Variants in KIRREL3 observed in about 807,000 individuals in gnomAD.
KIRREL3 encodes the protein kirre like nephrin family adhesion molecule 3.
A neutral mutation model predicts 89.7 loss-of-function variants in KIRREL3; 36 were observed. The observed-to-expected ratio is 0.40, with a 90% CI of 0.31 to 0.53. The LOEUF is 0.53. Among genes scored for constraint, KIRREL3 ranks in the 20% least tolerant of loss-of-function variants. The pLI is 0.49. For missense variants in KIRREL3, 864 were observed against 1,056.6 expected (o/e 0.82, Z 2.53); for synonymous variants, 445 against 441.4 (o/e 1.01, Z -0.10).
Position 126,705,760 on chromosome 11 carries a change from C to T in KIRREL3, c.56-142848G>A, listed in dbSNP as rs943030965. On this transcript the variant is annotated intron_variant, in intron 1 of 16. Coordinates refer to ENST00000525144, the MANE Select transcript of KIRREL3 (RefSeq NM_032531.4). The surrounding 1 kb of genome is among the most constrained non-coding windows in gnomAD (Gnocchi z 4.3). The stretch of plus-strand genomic sequence containing the variant: ...AGATGGCTACAAACACTTAGCCACT[C>T]CTCCCAGAAAGAGGTGGAGGCTACC... 1.3e-5 allele frequency among the ~76,000 whole-genome samples: 2 copies of T among 152,188 alleles called. No individual in the cohort carries two copies. Among genetic ancestry groups the T allele is most frequent in the Non-Finnish European group, 2.9e-5 (2 of 68,030 alleles).
intron 1 of KIRREL3, among the ~76,000 whole-genome samples, chr11:126,963,163 A>T (rs1263220824): frequency 2.0e-5 from 3 of 152,180 alleles, no homozygotes; most frequent in African/African-American, 4.8e-5. Flanking sequence ...ATAACCTTTT[A>T]TAGCCTAAAT....
At chr11:126,448,272 A>G (rs1955897632) in intron 8 of KIRREL3, among the ~76,000 whole-genome samples, 1 of 124,168 alleles carries the variant, frequency 8.1e-6, no homozygotes, top group Non-Finnish European at 1.6e-5. Flanking sequence ...GCAGAGTGAG[A>G]CTGTCTCAAA....
intron 1 of KIRREL3, among the ~76,000 whole-genome samples, chr11:126,706,105 C>T (rs1404976951): frequency 6.6e-6 from 1 of 152,172 alleles, no homozygotes; most frequent in Non-Finnish European, 1.5e-5. Context: ...GACTGCAGCC[C>T]CCGATGTCAC....
chr11:126,592,873 G>T (rs1942211409), intron 1 of KIRREL3, among the ~76,000 whole-genome samples: 1 of 152,168 alleles, frequency 6.6e-6, no homozygotes, highest in Non-Finnish European at 1.5e-5. Flanking sequence ...AAGGCCTGTT[G>T]TTGAGAGAAC....
intron 1 of KIRREL3, among the ~76,000 whole-genome samples, chr11:126,878,904 T>C (rs1409595072): frequency 2.0e-5 from 3 of 151,978 alleles, no homozygotes; most frequent in Non-Finnish European, 4.4e-5. Context: ...CAAAGAGAAA[T>C]GGTGTGGCCA....
At chr11:126,650,616 C>T (rs1944871187) in intron 1 of KIRREL3, among the ~76,000 whole-genome samples, 1 of 152,228 alleles carries the variant, frequency 6.6e-6, no homozygotes, top group Non-Finnish European at 1.5e-5. Flanking sequence ...TCTGAGACAA[C>T]CTCAGCCTGG....
chr11:126,687,452 T>G lies in KIRREL3; in HGVS notation c.56-124540A>C, dbSNP rs1207040758. 6.6e-6 allele frequency among the ~76,000 whole-genome samples: 1 copy of G among 152,190 alleles called. No homozygotes were observed. The highest frequency in any genetic ancestry group is 1.5e-5 in the Non-Finnish European group (1 of 68,036). ...AATCTCACCCAGCTGGAAGCTCTCC[T>G]GTAAAGAATTCACAAAAATCCACAC... On this transcript the variant is annotated intron_variant, in intron 1 of 16. Coordinates refer to ENST00000525144, the MANE Select transcript of KIRREL3 (RefSeq NM_032531.4). The surrounding 1 kb of genome is among the most constrained non-coding windows in gnomAD (Gnocchi z 4.6).
At chr11:126,617,520 A>G (rs1453740821) in intron 1 of KIRREL3, among the ~76,000 whole-genome samples, 1 of 152,264 alleles carries the variant, frequency 6.6e-6, no homozygotes, top group Non-Finnish European at 1.5e-5. Context: ...AGGAAAAGAA[A>G]TATATGCCCT....
chr11:126,887,176 T>C (rs896558509), intron 1 of KIRREL3, among the ~76,000 whole-genome samples: 5 of 152,156 alleles, frequency 3.3e-5, no homozygotes, highest in African/African-American at 1.2e-4. Context: ...AAATGATTGC[T>C]TCTGAATAAT....
rs984106942 is a variant in KIRREL3 at position 126,736,491 on chromosome 11, A to G, written c.56-173579T>C. 2.0e-5 allele frequency among the ~76,000 whole-genome samples: 3 copies of G among 152,186 alleles called. No homozygotes were observed. The highest frequency in any genetic ancestry group is 7.2e-5 in the African/African-American group (3 of 41,440). On this transcript the variant is annotated intron_variant, in intron 1 of 16. Coordinates refer to ENST00000525144, the MANE Select transcript of KIRREL3 (RefSeq NM_032531.4). The surrounding 1 kb of genome is among the most constrained non-coding windows in gnomAD (Gnocchi z 5.0). ...ACTGGAGAGCTGGAAGGACCCTCAG[A>G]GATCATCTGGGCCGGTGGTTCTCAC...
At position 126,519,250 on chromosome 11, in the gene KIRREL3, T is replaced by G. The variant is rs1322917735; in HGVS notation, c.433+2065A>C. ...CTGTTCAGGTTGGATCCTGAGGCCC[T>G]GCTCTGAGAAGCCTGGCCCCTCACC... On this transcript the variant is annotated intron_variant, in intron 4 of 16. Coordinates refer to ENST00000525144, the MANE Select transcript of KIRREL3 (RefSeq NM_032531.4). The surrounding 1 kb of genome is among the most constrained non-coding windows in gnomAD (Gnocchi z 4.3). 6.6e-6 allele frequency among the ~76,000 whole-genome samples: 1 copy of G among 152,224 alleles called. No individual in the cohort carries two copies. The highest frequency in any genetic ancestry group is 1.5e-5 in the Non-Finnish European group (1 of 68,032).
rs553502335 is a variant in KIRREL3 at position 126,562,515 on chromosome 11, G to A, written c.133+320C>T. ...GTCTGGATTAGAAATGAAAATAGGA[G>A]CAGATTTAATTGGGCTGGCTGTGGG... On this transcript the variant is annotated intron_variant, in intron 2 of 16. Transcript: ENST00000525144. This position sits in a 1 kb window ranked among gnomAD's most constrained non-coding sequence, Gnocchi z 4.7. Among the ~76,000 whole-genome samples, 2 of 152,308 alleles carry A rather than the reference G, an allele frequency of 1.3e-5. No individual in the cohort carries two copies. Among genetic ancestry groups the A allele is most frequent in the East Asian group, 3.9e-4 (2 of 5,188 alleles).
intron 1 of KIRREL3, among the ~76,000 whole-genome samples, chr11:126,631,219 C>A (rs1281038929): frequency 6.6e-6 from 1 of 152,184 alleles, no homozygotes; most frequent in East Asian, 1.9e-4. Context: ...CATCTGAATT[C>A]ATTCTCACAG....
At chr11:126,810,282 G>T (rs917147619) in intron 1 of KIRREL3, among the ~76,000 whole-genome samples, 1 of 152,180 alleles carries the variant, frequency 6.6e-6, no homozygotes, top group Non-Finnish European at 1.5e-5. Flanking sequence ...CAGCAAGCCA[G>T]GATCCCAGGA....
chr11:126,473,199 C>T (rs1474497926), intron 5 of KIRREL3, 110 bp downstream of exon 5: 17 of 684,738 alleles, frequency 2.5e-5, no homozygotes. Flanking sequence ...GCTCCTTTAG[C>T]CCCCTCCTTA....
intron 1 of KIRREL3, among the ~76,000 whole-genome samples, chr11:126,588,643 T>C (rs1941988919): frequency 6.6e-6 from 1 of 152,212 alleles, no homozygotes; most frequent in South Asian, 2.1e-4. Flanking sequence ...GCATTGAACA[T>C]GCTGTAACAT....
rs1949714916 is a variant in KIRREL3 at position 126,981,438 on chromosome 11, A to T, written c.55+19017T>A. Among the ~76,000 whole-genome samples, 1 of 152,122 alleles carries T rather than the reference A, an allele frequency of 6.6e-6. No homozygotes were observed. The highest frequency in any genetic ancestry group is 1.5e-5 in the Non-Finnish European group (1 of 68,024). Reference sequence around the variant, plus strand: ...TGGAGGAAAATGCTCAGGAGGTGTTATATGTGGTGTAGCTTAGGATTCCAG... The same window carrying T: ...TGGAGGAAAATGCTCAGGAGGTGTTTTATGTGGTGTAGCTTAGGATTCCAG... On this transcript the variant is annotated intron_variant, in intron 1 of 16. Transcript: ENST00000525144. This position sits in a 1 kb window ranked among gnomAD's most constrained non-coding sequence, Gnocchi z 4.2.
At chr11:126,466,359 C>T (rs1345195212) in intron 5 of KIRREL3, among the ~76,000 whole-genome samples, 2 of 152,264 alleles carry the variant, frequency 1.3e-5, no homozygotes, top group East Asian at 1.9e-4. Context: ...CCTCCTGGGC[C>T]CCTAGCTCGC....
At chr11:126,863,426 T>C (rs1228360437) in intron 1 of KIRREL3, among the ~76,000 whole-genome samples, 4 of 106,778 alleles carry the variant, frequency 3.7e-5, no homozygotes, top group Admixed American at 9.5e-5. Flanking sequence ...TGAGCGCATG[T>C]GTGTGAGTGC....
Sources: gnomAD v4.1 joint callset for allele counts (sites outside exome capture counted in the v4.1 genomes callset) on GRCh38, gnomAD v4.1.1 for gene constraint, Gnocchi (gnomAD v3.1) non-coding constraint, MANE v1.5 for transcripts, NCBI Gene and HGNC (gene_info 2026-07-23, HGNC 2026-07-21) for gene names.